Variants in SLC24A2 observed in about 807,000 individuals in gnomAD.
SLC24A2 encodes sodium/potassium/calcium exchanger 2.
A neutral mutation model predicts 62.0 loss-of-function variants in SLC24A2; 36 were observed. The observed-to-expected ratio is 0.58, with a 90% CI of 0.44 to 0.77. The LOEUF (loss-of-function observed/expected upper bound fraction) is 0.77. Among genes scored for constraint, SLC24A2 ranks in the 30% least tolerant of loss-of-function variants. The pLI is 0.00. For missense variants in SLC24A2, 846 were observed against 817.9 expected (o/e 1.03, Z -0.42); for synonymous variants, 358 against 294.0 (o/e 1.22, Z -2.23).
the SLC24A2 span, among the ~76,000 whole-genome samples, chr9:20,289,754 A>T: frequency 1.3e-5 from 2 of 152,080 alleles, no homozygotes; most frequent in East Asian, 3.9e-4. Flanking sequence ...AGGCCCCAAA[A>T]TGCCTCCTCC....
the SLC24A2 span, among the ~76,000 whole-genome samples, chr9:19,884,508 C>G: frequency 6.6e-6 from 1 of 152,126 alleles, no homozygotes; most frequent in Admixed American, 6.5e-5. Flanking sequence ...ATTGTGAAAT[C>G]TGTATTAGCC....
chr9:19,873,651 C>T, the SLC24A2 span, among the ~76,000 whole-genome samples: 2 of 151,462 alleles, frequency 1.3e-5, no homozygotes, highest in Non-Finnish European at 2.9e-5. Context: ...GTCTCATATT[C>T]AGAAGAGAAG....
chr9:20,264,125 A>G, the SLC24A2 span, among the ~76,000 whole-genome samples: 1 of 152,176 alleles, frequency 6.6e-6, no homozygotes, highest in African/African-American at 2.4e-5. Flanking sequence ...GCATGAGTCC[A>G]GAGATGCTCA....
intron 5 of SLC24A2, among the ~76,000 whole-genome samples, chr9:19,583,000 C>G (rs1158712399): frequency 6.6e-6 from 1 of 152,152 alleles, no homozygotes; most frequent in Non-Finnish European, 1.5e-5. Flanking sequence ...CCTCTCCGCC[C>G]CAGCCAGTCT....
the SLC24A2 span, among the ~76,000 whole-genome samples, chr9:20,279,144 A>T: frequency 2.0e-4 from 30 of 152,226 alleles, no homozygotes; most frequent in African/African-American, 7.2e-4. Context: ...TTCTCCAACT[A>T]GGTCCCTCCC....
At chr9:20,179,586 C>T in the SLC24A2 span, among the ~76,000 whole-genome samples, 4 of 152,204 alleles carry the variant, frequency 2.6e-5, no homozygotes, top group South Asian at 8.3e-4. Context: ...GAAAGCTTCC[C>T]TCTGTGCACA....
chr9:19,679,999 GCAT>G (rs1819674365), intron 2 of SLC24A2, among the ~76,000 whole-genome samples: 1 of 152,038 alleles, frequency 6.6e-6, no homozygotes, highest in Non-Finnish European at 1.5e-5. Flanking sequence ...CATTGCAAAT[GCAT>G]CTAACATAAA....
At chr9:20,004,743 G>A in the SLC24A2 span, among the ~76,000 whole-genome samples, 3 of 151,954 alleles carry the variant, frequency 2.0e-5, no homozygotes, top group South Asian at 4.1e-4. Flanking sequence ...AAGAATGAAG[G>A]ATTATAACAA....
At chr9:19,636,310 TTTTCTTTTC>T (rs1818324134) in intron 2 of SLC24A2, among the ~76,000 whole-genome samples, 15 of 34,166 alleles carry the variant, frequency 4.4e-4, no homozygotes, top group African/African-American at 1.3e-3. Context: ...TTTTCTTTTC[TTTTCTTTTC>T]TTTCTTTCTT....
At chr9:19,886,905 A>G in the SLC24A2 span, among the ~76,000 whole-genome samples, 2 of 152,200 alleles carry the variant, frequency 1.3e-5, no homozygotes, top group South Asian at 2.1e-4. Context: ...CTTTGCAGGG[A>G]CATGGATAGA....
chr9:20,133,370 C>G, the SLC24A2 span, among the ~76,000 whole-genome samples: 1 of 152,088 alleles, frequency 6.6e-6, no homozygotes, highest in Non-Finnish European at 1.5e-5. Flanking sequence ...ACAGGGCAAA[C>G]TTACAAACAA....
intron 2 of SLC24A2, among the ~76,000 whole-genome samples, chr9:19,782,801 T>G (rs1478193151): frequency 6.6e-6 from 1 of 152,198 alleles, no homozygotes; most frequent in Non-Finnish European, 1.5e-5. Context: ...TCTTATGAAG[T>G]AGGTATCATT....
At chr9:19,797,522 G>C in the SLC24A2 span, among the ~76,000 whole-genome samples, 7 of 152,076 alleles carry the variant, frequency 4.6e-5, no homozygotes, top group Non-Finnish European at 7.3e-5. Context: ...CTTTACTGTA[G>C]AGTAATCAAG....
chr9:20,085,525 T>G, the SLC24A2 span, among the ~76,000 whole-genome samples: 1 of 152,228 alleles, frequency 6.6e-6, no homozygotes. Flanking sequence ...ATAGCGTTGT[T>G]TGACTAACAT....
chr9:20,048,919 T>C, the SLC24A2 span, among the ~76,000 whole-genome samples: 1 of 151,436 alleles, frequency 6.6e-6, no homozygotes, highest in Non-Finnish European at 1.5e-5. Context: ...TATTTATTTA[T>C]GTATTTTTTA....
chr9:20,227,364 C>G, the SLC24A2 span, among the ~76,000 whole-genome samples: 3 of 151,892 alleles, frequency 2.0e-5, no homozygotes, highest in African/African-American at 7.3e-5. Flanking sequence ...GCAAGTGGTC[C>G]ACACTTACTT....
chr9:20,101,374 G>C, the SLC24A2 span, among the ~76,000 whole-genome samples: 1 of 152,204 alleles, frequency 6.6e-6, no homozygotes, highest in Non-Finnish European at 1.5e-5. Flanking sequence ...AACATGAGAA[G>C]CTGCCATGAA....
the SLC24A2 span, among the ~76,000 whole-genome samples, chr9:20,012,936 T>G: frequency 6.6e-6 from 1 of 152,008 alleles, no homozygotes; most frequent in Non-Finnish European, 1.5e-5. Context: ...TATCCCATAC[T>G]CACGGATTAG....
At chr9:20,049,126 T>G in the SLC24A2 span, among the ~76,000 whole-genome samples, 1 of 152,268 alleles carries the variant, frequency 6.6e-6, no homozygotes, top group East Asian at 1.9e-4. Context: ...TTGCCTTGGC[T>G]TATCTAGCAA....
Sources: allele counts gnomAD v4.1 joint callset (sites outside exome capture counted in the v4.1 genomes callset), GRCh38; gene constraint gnomAD v4.1.1; transcripts MANE v1.5; gene names NCBI Gene and HGNC (gene_info 2026-07-23, HGNC 2026-07-21).